The following DMD variants were observed in gnomAD, a reference collection of about 807,000 sequenced individuals.
DMD encodes mutant dystrophin.
DMD carries 63 observed loss-of-function variants against 330.1 expected under a neutral mutation model. That is an observed-to-expected ratio of 0.19 (90% CI 0.16 to 0.24). The LOEUF is 0.24. Ranked by LOEUF, DMD falls within the 10% of genes least tolerant of loss-of-function variation. The probability of loss-of-function intolerance (pLI) is 1.00; values close to 1 mark genes in which losing one functional copy is unlikely to be tolerated. For missense variants in DMD, 3,344 were observed against 2,684.1 expected (o/e 1.25, Z -5.43); for synonymous variants, 1,223 against 959.8 (o/e 1.27, Z -5.07).
At chrX:31,819,828 T>TA in intron 50 of DMD, 147 bp downstream of exon 50, 1 of 514,822 alleles carries the variant, frequency 1.9e-6, no homozygotes, top group African/African-American at 2.3e-5. Context: ...GAATGTACTC[T>TA]AAGACTTTTT....
At chrX:32,545,111 T>G in intron 17 of DMD, 48 bp downstream of exon 17, 21 of 1,153,183 alleles carry the variant, frequency 1.8e-5, no homozygotes, top group Non-Finnish European at 2.1e-5. Context: ...CTGCTGTAAA[T>G]GAGTTTTCTC....
chrX:33,089,358 G>A (rs777939189), intron 1 of DMD, among the ~76,000 whole-genome samples: 6 of 110,651 alleles, frequency 5.4e-5, no homozygotes, highest in Admixed American at 3.9e-4. Context: ...GCCACCGTGC[G>A]GCCCTGTTGC....
Position 31,204,136 on chromosome X carries a change from A to C in DMD, c.9650-18T>G. The C allele has an allele frequency of 1.7e-6, 2 of 1,206,256 alleles. No homozygotes were observed. Among genetic ancestry groups the C allele is most frequent in the Non-Finnish European group, 2.2e-6 (2 of 891,219 alleles). ...GAAAAGGTCTACAAAGGAAGAAGAA[A>C]ATTGCAACAGTCAAAACACAGCACC... On this transcript the variant is annotated intron_variant, in intron 66 of 78. Coordinates refer to ENST00000357033, the MANE Select transcript of DMD (RefSeq NM_004006.3).
At chrX:32,785,696 T>TA (rs1307357724) in intron 7 of DMD, among the ~76,000 whole-genome samples, 2 of 111,815 alleles carry the variant, frequency 1.8e-5, no homozygotes, top group Non-Finnish European at 3.8e-5. Flanking sequence ...AGTCCCTTAA[T>TA]ATTCCATATT....
chrX:32,889,721 C>T (rs1362270716), intron 2 of DMD, among the ~76,000 whole-genome samples: 4 of 110,771 alleles, frequency 3.6e-5, no homozygotes, highest in South Asian at 3.9e-4. Flanking sequence ...CGCAAAACAT[C>T]GCTCCTAACT....
intron 2 of DMD, among the ~76,000 whole-genome samples, chrX:32,867,415 G>T (rs1380638682): frequency 8.9e-6 from 1 of 112,173 alleles, no homozygotes; most frequent in Non-Finnish European, 1.9e-5. Context: ...CCAAAGGAAA[G>T]TAGAGTTGAC....
intron 26 of DMD, among the ~76,000 whole-genome samples, chrX:32,452,164 C>G (rs1056640455): frequency 9.4e-6 from 1 of 106,861 alleles, no homozygotes; most frequent in Non-Finnish European, 1.9e-5. Context: ...CAGCTGAACA[C>G]AAATGACTCT....
intron 44 of DMD, among the ~76,000 whole-genome samples, chrX:32,172,274 T>C (rs1270662057): frequency 3.6e-5 from 4 of 111,898 alleles, no homozygotes; most frequent in African/African-American, 9.7e-5. Context: ...TATCAGGTCA[T>C]TGTTCATAAT....
At chrX:32,885,760 G>A (rs1162154127) in intron 2 of DMD, among the ~76,000 whole-genome samples, 1 of 105,085 alleles carries the variant, frequency 9.5e-6, no homozygotes, top group African/African-American at 3.5e-5. Flanking sequence ...CGAAATTTGA[G>A]GGTTTAGAAT....
rs763580644 is a variant in DMD at position 32,683,253 on chromosome X, G to C, written c.960+14617C>G. Among the ~76,000 whole-genome samples, 7 of 110,501 alleles carry C rather than the reference G, an allele frequency of 6.3e-5. No individual in the cohort carries two copies. In the Admixed American group the frequency reaches 6.8e-4, roughly 11 times the overall value. ...GGAGTGGCGATTCCTCAGGGATCTA[G>C]AACTAGAAATACCACTTGACCCAGC... is the stretch of plus-strand genomic sequence containing the variant. On this transcript the variant is annotated intron_variant, in intron 9 of 78. Transcript: ENST00000357033.
chrX:32,358,340 T>TC (rs1421418268), intron 37 of DMD, among the ~76,000 whole-genome samples: 2 of 111,002 alleles, frequency 1.8e-5, no homozygotes, highest in African/African-American at 3.3e-5. Flanking sequence ...CCCGATGGTA[T>TC]CCACTTGCCC....
chrX:32,937,773 C>T (rs893420283), intron 2 of DMD, among the ~76,000 whole-genome samples: 2 of 109,940 alleles, frequency 1.8e-5, no homozygotes, highest in South Asian at 4.0e-4. Context: ...CGATGAGTCT[C>T]TCTTCCTCCT....
chrX:31,520,824 C>T (rs1483182651), intron 55 of DMD, among the ~76,000 whole-genome samples: 4 of 110,378 alleles, frequency 3.6e-5, no homozygotes, highest in African/African-American at 6.6e-5. Flanking sequence ...GGACTACAGG[C>T]GCCCGCCACC....
intron 7 of DMD, among the ~76,000 whole-genome samples, chrX:32,704,775 G>C (rs1015065778): frequency 8.9e-6 from 1 of 112,034 alleles, no homozygotes; most frequent in African/African-American, 3.2e-5. Context: ...GGCACTTCTG[G>C]TCATAAACTA....
chrX:31,411,846 C>A (rs2061659765), intron 60 of DMD, among the ~76,000 whole-genome samples: 1 of 109,539 alleles, frequency 9.1e-6, no homozygotes, highest in Admixed American at 9.7e-5. Flanking sequence ...GTTGGCCGGA[C>A]TGGCCTCAAA....
intron 34 of DMD, among the ~76,000 whole-genome samples, chrX:32,374,329 T>C (rs779805843): frequency 8.9e-6 from 1 of 111,885 alleles, no homozygotes; most frequent in East Asian, 2.8e-4. Context: ...TGTCAATTTT[T>C]GTTTTTGTTG....
intron 33 of DMD, among the ~76,000 whole-genome samples, chrX:32,381,601 T>G (rs890321483): frequency 3.6e-5 from 4 of 111,644 alleles, no homozygotes; most frequent in Non-Finnish European, 5.7e-5. Context: ...TACTCCTCTC[T>G]ACTCCTGAAA....
intron 1 of DMD, among the ~76,000 whole-genome samples, chrX:33,093,120 C>A (rs753585980): frequency 1.8e-5 from 2 of 111,697 alleles, no homozygotes; most frequent in East Asian, 5.7e-4. Flanking sequence ...GGTGATCCAC[C>A]CGCCTCGGCC....
intron 42 of DMD, among the ~76,000 whole-genome samples, chrX:32,295,056 A>G: frequency 8.9e-6 from 1 of 111,759 alleles, no homozygotes. Context: ...ATGATAAAGT[A>G]CCAACTTTTT....
Sources: gnomAD v4.1 joint callset for allele counts (sites outside exome capture counted in the v4.1 genomes callset) on GRCh38, gnomAD v4.1.1 for gene constraint, MANE v1.5 for transcripts, NCBI Gene and HGNC (gene_info 2026-07-23, HGNC 2026-07-21) for gene names.